RIPK2: variants seen among roughly 807,000 people sequenced by gnomAD.
RIPK2 encodes receptor interacting serine/threonine kinase 2.
RIPK2 carries 38 observed loss-of-function variants against 60.9 expected under a neutral mutation model. The ratio of observed to expected loss-of-function variants is 0.62; its 90% CI spans 0.48 to 0.82. The LOEUF (loss-of-function observed/expected upper bound fraction) is 0.82. Among genes scored for constraint, RIPK2 ranks in the 40% least tolerant of loss-of-function variants. RIPK2 has a pLI of 0.00. For synonymous variants in RIPK2, 225 were observed against 223.4 expected (o/e 1.01, Z -0.06); for missense variants, 518 against 647.0 (o/e 0.80, Z 2.16).
chr8:89,760,082 A>G (rs1009888313), intron 1 of RIPK2, among the ~76,000 whole-genome samples: 1 of 152,208 alleles, frequency 6.6e-6, no homozygotes, highest in Non-Finnish European at 1.5e-5. Context: ...TTATCATTGC[A>G]GTATTTATGT....
chr8:89,779,310 G>GTTTTTTTTTTTTTTTTTTT, intron 6 of RIPK2, among the ~76,000 whole-genome samples: 1 of 79,112 alleles, frequency 1.3e-5, no homozygotes, highest in South Asian at 5.0e-4. Context: ...CGGTTTTTGG[G>GTTTTTTTTTTTTTTTTTTT]TTTTTTTTTT....
chr8:89,790,978 T>A lies in RIPK2; in HGVS notation c.*562T>A, dbSNP rs1012068270. ...ATAAAGAAAAAAATAAATATATTAA[T>A]ACCGGCTTCCTGTCCCCATTTTTAA... On this transcript the variant is annotated 3_prime_UTR_variant, in exon 11 of 11. Coordinates refer to ENST00000220751, the MANE Select transcript of RIPK2 (RefSeq NM_003821.6). The A allele has an allele frequency of 4.6e-5, 7 of 152,302 alleles. No individual in the cohort carries two copies. Among genetic ancestry groups the A allele is most frequent in the Admixed American group, 4.6e-4 (7 of 15,288 alleles). 9.4% of individuals were successfully genotyped at this position (152,302 alleles called of 1,614,324 possible). A position where few individuals can be genotyped will look rare whatever the true frequency, so the allele number is the denominator to read the frequency against.
intron 6 of RIPK2, among the ~76,000 whole-genome samples, chr8:89,773,202 C>T (rs980233675): frequency 1.3e-5 from 2 of 151,952 alleles, no homozygotes; most frequent in African/African-American, 4.8e-5. Context: ...AATAAATAAG[C>T]AAGATACACA....
Position 89,758,173 on chromosome 8 carries a change from C to G in RIPK2, c.113C>G (p.Ala38Gly). Residue 38 changes from alanine to glycine, a missense_variant, in exon 1 of 11, where the codon GCA becomes GGA. Coordinates refer to ENST00000220751, the MANE Select transcript of RIPK2 (RefSeq NM_003821.6). ...ASGTVSSARHADWRVQVAVKH... is the reference protein window; with the variant it reads ...ASGTVSSARHGDWRVQVAVKH... ...GGCACTGTGTCGTCCGCCCGCCACG[C>G]AGACTGGCGCGTCCAGGTGGCCGTG... 6.2e-7 allele frequency: 1 copy of G among 1,610,270 alleles called. No individual in the cohort carries two copies. The highest frequency in any genetic ancestry group is 8.5e-7 in the Non-Finnish European group (1 of 1,178,858).
At position 89,758,263 on chromosome 8, in the gene RIPK2, G is replaced by C. The variant is rs748635828; in HGVS notation, c.173+30G>C. ...GCAGTCACTGGGGTTCCCTGGAAGAGCCCTCAACTCCTGCATCCCCTCAAG... is the reference window on the plus strand; with the variant it reads ...GCAGTCACTGGGGTTCCCTGGAAGACCCCTCAACTCCTGCATCCCCTCAAG... On this transcript the variant is annotated intron_variant, in intron 1 of 10. Coordinates refer to ENST00000220751, the MANE Select transcript of RIPK2 (RefSeq NM_003821.6). 7.0e-6 allele frequency: 11 copies of C among 1,566,814 alleles called. No homozygotes were observed. In the Admixed American group the frequency reaches 1.8e-4, roughly 25 times the overall value.
At chr8:89,787,439 A>T (rs1013902183) in intron 9 of RIPK2, among the ~76,000 whole-genome samples, 1 of 152,116 alleles carries the variant, frequency 6.6e-6, no homozygotes, top group Non-Finnish European at 1.5e-5. Context: ...AAGACTTTTG[A>T]TAAATATTAT....
At chr8:89,772,861 A>G (rs1390375124) in intron 6 of RIPK2, 33 bp downstream of exon 6, 13 of 1,424,654 alleles carry the variant, frequency 9.1e-6, no homozygotes, top group Non-Finnish European at 1.2e-5. Flanking sequence ...GACTCTTTGA[A>G]TTACAGAATT....
intron 4 of RIPK2, among the ~76,000 whole-genome samples, chr8:89,770,464 A>G (rs192712401): frequency 1.3e-5 from 2 of 151,986 alleles, no homozygotes; most frequent in Non-Finnish European, 1.5e-5. Flanking sequence ...ATAATGCAGT[A>G]ATAAGCATAA....
At chr8:89,781,524 C>T (rs1443794584) in intron 7 of RIPK2, among the ~76,000 whole-genome samples, 1 of 152,058 alleles carries the variant, frequency 6.6e-6, no homozygotes, top group Non-Finnish European at 1.5e-5. Flanking sequence ...TGGGCTACCA[C>T]ACTCAGCTAC....
chr8:89,758,393 C>T (rs1256938523), intron 1 of RIPK2, among the ~76,000 whole-genome samples, 160 bp downstream of exon 1: 1 of 152,144 alleles, frequency 6.6e-6, no homozygotes. Context: ...ATAGGGAGCA[C>T]CCACCCTTCA....
intron 2 of RIPK2, among the ~76,000 whole-genome samples, chr8:89,764,181 A>G (rs1809189142): frequency 1.3e-5 from 2 of 152,186 alleles, no homozygotes; most frequent in Non-Finnish European, 2.9e-5. Flanking sequence ...CCTTTTTTAC[A>G]GATTAAAAGA....
At chr8:89,759,690 G>A (rs910074332) in intron 1 of RIPK2, among the ~76,000 whole-genome samples, 6 of 152,208 alleles carry the variant, frequency 3.9e-5, no homozygotes, top group African/African-American at 9.7e-5. Context: ...AGCAAGTGCT[G>A]GACAAGTGTG....
At chr8:89,778,563 A>G (rs1809440815) in intron 6 of RIPK2, among the ~76,000 whole-genome samples, 1 of 152,212 alleles carries the variant, frequency 6.6e-6, no homozygotes, top group Non-Finnish European at 1.5e-5. Context: ...GAATGATAAC[A>G]ATGTGTGGTC....
chr8:89,757,892 T>C lies in RIPK2; in HGVS notation c.-169T>C. 1 of 1,381,876 alleles carries C rather than the reference T, an allele frequency of 7.2e-7. No individual in the cohort carries two copies. The highest frequency in any genetic ancestry group is 1.5e-5 in the African/African-American group (1 of 66,100). The allele number at this position is 1,381,876 out of a possible 1,614,324, so 85.6% of individuals were successfully genotyped here. A position where few individuals can be genotyped will look rare whatever the true frequency, so the allele number is the denominator to read the frequency against. ...TGGTTCGGAGAAGCAGCGGCTGGCGTGGGCCATCCGGGGAATGGGCGCCCT... is the reference window on the plus strand; with the variant it reads ...TGGTTCGGAGAAGCAGCGGCTGGCGCGGGCCATCCGGGGAATGGGCGCCCT... On this transcript the variant is annotated 5_prime_UTR_variant, in exon 1 of 11. Transcript: ENST00000220751.
At position 89,779,317 on chromosome 8, in the gene RIPK2, T is replaced by TTTG. The variant is rs1554598408; in HGVS notation, c.854-756_854-755insGTT. On this transcript the variant is annotated intron_variant, in intron 6 of 10. Transcript: ENST00000220751. ...TTTTTAGGCGGTTTTTGGGTTTTTT[T>TTTG]TTTTTTTTTTTTTTTGAGATGGAGT... 4.7e-5 allele frequency among the ~76,000 whole-genome samples: 6 copies of TTTG among 127,254 alleles called. 1 individual carries two copies. Among genetic ancestry groups the TTTG allele is most frequent in the African/African-American group, 1.9e-4 (6 of 32,240 alleles). 83.5% of individuals were successfully genotyped at this position (127,254 alleles called of 152,430 possible).
chr8:89,766,801 G>C (rs1045747381), intron 3 of RIPK2, among the ~76,000 whole-genome samples: 2 of 151,266 alleles, frequency 1.3e-5, no homozygotes, highest in African/African-American at 2.4e-5. Context: ...CCCATACGTG[G>C]TTTTCAGTGA....
intron 6 of RIPK2, among the ~76,000 whole-genome samples, chr8:89,775,423 C>T (rs1306582643): frequency 2.0e-5 from 3 of 151,944 alleles, no homozygotes; most frequent in Non-Finnish European, 4.4e-5. Context: ...TGCACTTGCA[C>T]TCCAGCCTAG....
chr8:89,784,183 A>C lies in RIPK2; in HGVS notation c.1029+44A>C, dbSNP rs778067794. Reference sequence around the variant, plus strand: ...AAAAAAAGGTTATATTAAACTCAAAATGTGAGAAGAATTTGAAAAAATCAT... The same window carrying C: ...AAAAAAAGGTTATATTAAACTCAAACTGTGAGAAGAATTTGAAAAAATCAT... On this transcript the variant is annotated intron_variant, in intron 8 of 10. Transcript: ENST00000220751. 8.1e-6 allele frequency: 10 copies of C among 1,232,962 alleles called. No homozygotes were observed. The South Asian group carries it at 9.9e-5, about 12-fold the overall frequency. 76.4% of individuals were successfully genotyped at this position (1,232,962 alleles called of 1,614,324 possible).
chr8:89,769,670 C>T, intron 3 of RIPK2, 102 bp from the exon 4 acceptor site: 2 of 709,110 alleles, frequency 2.8e-6, no homozygotes, highest in East Asian at 2.9e-5. Flanking sequence ...ATTACATTTT[C>T]TCTGGTTTGA....
Sources: gnomAD v4.1 joint callset for allele counts (sites outside exome capture counted in the v4.1 genomes callset) on GRCh38, gnomAD v4.1.1 for gene constraint, MANE v1.5 for transcripts, NCBI Gene and HGNC (gene_info 2026-07-23, HGNC 2026-07-21) for gene names.